The following VCF1 variants were observed in gnomAD, a reference collection of about 807,000 sequenced individuals.
The protein encoded by VCF1 is protein VCF1.
At chr17:73,209,827 C>T in the VCF1 span, 1 of 1,530,998 alleles carries the variant, frequency 6.5e-7, no homozygotes, top group Non-Finnish European at 8.7e-7. Flanking sequence ...AAGAGCTTTA[C>T]TGTGGTTTCA....
chr17:73,209,319 TA>T, the VCF1 span: 1 of 632,474 alleles, frequency 1.6e-6, no homozygotes, highest in Non-Finnish European at 2.7e-6. Context: ...AAGAATCCTA[TA>T]AAAAATTGCT....
the VCF1 span, chr17:73,227,513 A>C: frequency 5.7e-6 from 4 of 700,422 alleles, no homozygotes; most frequent in Non-Finnish European, 7.5e-6. Context: ...GAAGCTTAAC[A>C]ATTTTAAATG....
At chr17:73,229,235 A>C in the VCF1 span, 1 of 985,410 alleles carries the variant, frequency 1.0e-6, no homozygotes. Flanking sequence ...AAAGAGTCCT[A>C]CCTGCTCTTC....
chr17:73,218,704 G>C, the VCF1 span, among the ~76,000 whole-genome samples: 1 of 151,966 alleles, frequency 6.6e-6, no homozygotes, highest in Non-Finnish European at 1.5e-5. Context: ...GACCAACATG[G>C]AGAAACCCCG....
the VCF1 span, among the ~76,000 whole-genome samples, chr17:73,223,318 A>C: frequency 6.6e-6 from 1 of 152,206 alleles, no homozygotes; most frequent in Non-Finnish European, 1.5e-5. Flanking sequence ...ACTCCCTCTC[A>C]AAAAACAATA....
chr17:73,231,927 A>G, the VCF1 span, among the ~76,000 whole-genome samples: 78,352 of 151,566 alleles, frequency 0.52, 20,289 homozygotes, highest in East Asian at 0.6. Flanking sequence ...GCATCCGATC[A>G]CTCGCGCATC....
chr17:73,221,490 T>C, the VCF1 span, among the ~76,000 whole-genome samples: 6 of 152,160 alleles, frequency 3.9e-5, 2 homozygotes, highest in African/African-American at 9.7e-5. Flanking sequence ...CAGGATTTGA[T>C]AGAAAAAAAT....
chr17:73,225,899 A>ATATATATATATATT, the VCF1 span, among the ~76,000 whole-genome samples: 51 of 114,832 alleles, frequency 4.4e-4, no homozygotes, highest in African/African-American at 1.8e-3. Flanking sequence ...ATATATATAT[A>ATATATATATATATT]TTTTTTTTTT....
the VCF1 span, chr17:73,207,657 C>A: frequency 7.7e-7 from 1 of 1,292,166 alleles, no homozygotes; most frequent in Non-Finnish European, 1.0e-6. Flanking sequence ...AAATTTGTTT[C>A]CCCAAAAGTT....
the VCF1 span, among the ~76,000 whole-genome samples, chr17:73,226,231 TAG>T: frequency 6.6e-6 from 1 of 152,180 alleles, no homozygotes; most frequent in Non-Finnish European, 1.5e-5. Context: ...AAAACAGCTA[TAG>T]AAACTCAGGT....
the VCF1 span, chr17:73,207,484 G>T: frequency 9.2e-6 from 6 of 649,104 alleles, no homozygotes; most frequent in Non-Finnish European, 1.6e-5. Flanking sequence ...TAATAGAAAT[G>T]TAGAAAATAT....
chr17:73,210,757 ATTT>A, the VCF1 span, among the ~76,000 whole-genome samples: 101 of 135,092 alleles, frequency 7.5e-4, 1 homozygote, highest in South Asian at 4.3e-3. Context: ...ATGCCTCGTT[ATTT>A]TTTTTTTTTT....
the VCF1 span, chr17:73,209,703 C>CCTGTCCGGGCTATTGATGCTG: frequency 1.3e-5 from 20 of 1,547,618 alleles, 1 homozygote; most frequent in South Asian, 2.1e-4. Flanking sequence ...GCCCGCTGGC[C>CCTGTCCGGGCTATTGATGCTG]CTGTCCGGGC....
chr17:73,207,931 G>GTT, the VCF1 span: 2 of 1,183,270 alleles, frequency 1.7e-6, no homozygotes, highest in Non-Finnish European at 1.1e-6. Context: ...GGAGATGGTA[G>GTT]TTTAAAAAAA....
the VCF1 span, chr17:73,208,025 C>T: frequency 7.5e-7 from 1 of 1,324,936 alleles, no homozygotes; most frequent in Non-Finnish European, 9.7e-7. Flanking sequence ...CTGCAGTGAT[C>T]TTTCAGTTCT....
chr17:73,231,963 A>G, the VCF1 span: 123 of 1,051,102 alleles, frequency 1.2e-4, 3 homozygotes, highest in South Asian at 2.1e-3. Flanking sequence ...CCCGGCCCGC[A>G]GTGCACCCCA....
chr17:73,214,905 C>T, the VCF1 span, among the ~76,000 whole-genome samples: 2 of 152,234 alleles, frequency 1.3e-5, no homozygotes, highest in Non-Finnish European at 2.9e-5. Context: ...ACAGACTCAT[C>T]AAACAGTTTA....
At chr17:73,221,631 G>C in the VCF1 span, among the ~76,000 whole-genome samples, 2 of 152,148 alleles carry the variant, frequency 1.3e-5, no homozygotes, top group Admixed American at 6.5e-5. Context: ...GCTCACACCT[G>C]TAATCCTAAT....
chr17:73,209,082 T>C, the VCF1 span: 52 of 189,666 alleles, frequency 2.7e-4, no homozygotes, highest in Non-Finnish European at 5.3e-4. Flanking sequence ...GCTTCCTATA[T>C]TTTGGAAAAA....
Sources: gnomAD v4.1 joint callset for allele counts (sites outside exome capture counted in the v4.1 genomes callset) on GRCh38, gnomAD v4.1.1 for gene constraint, MANE v1.5 for transcripts, NCBI Gene and HGNC (gene_info 2026-07-23, HGNC 2026-07-21) for gene names.